Variants in DSCAM observed in about 807,000 individuals in gnomAD.
DSCAM encodes cell adhesion molecule DSCAM.
Under a neutral mutation model 217.7 loss-of-function variants are expected in DSCAM, and 47 were observed. The observed-to-expected ratio is 0.22, with a 90% CI of 0.17 to 0.28. DSCAM has a LOEUF of 0.28. DSCAM is among the 10% of genes least tolerant of loss of function. DSCAM has a pLI of 1.00. For missense variants in DSCAM, 2,080 were observed against 2,618.3 expected (o/e 0.79, Z 4.49); for synonymous variants, 1,056 against 1,015.3 (o/e 1.04, Z -0.76).
At chr21:40,556,510 G>T (rs1166881919) in intron 3 of DSCAM, among the ~76,000 whole-genome samples, 2 of 152,094 alleles carry the variant, frequency 1.3e-5, no homozygotes, top group Admixed American at 6.5e-5. Context: ...AATTCATAAA[G>T]AAAAAAGGTT....
chr21:40,620,469 AGG>A (rs2089496006), intron 3 of DSCAM, among the ~76,000 whole-genome samples: 1 of 146,346 alleles, frequency 6.8e-6, no homozygotes, highest in East Asian at 2.1e-4. Context: ...AAAGGAAGGA[AGG>A]AAAAAGGGAA....
chr21:40,354,488 C>T (rs2074669054), intron 4 of DSCAM, among the ~76,000 whole-genome samples: 1 of 152,064 alleles, frequency 6.6e-6, no homozygotes. Context: ...CTGCCTGGGC[C>T]TCCCAACATG....
chr21:40,176,380 G>C (rs1214528619), intron 15 of DSCAM, among the ~76,000 whole-genome samples: 1 of 152,010 alleles, frequency 6.6e-6, no homozygotes, highest in African/African-American at 2.4e-5. Flanking sequence ...AAAAGTGAGT[G>C]GGCTGACAGC....
intron 1 of DSCAM, among the ~76,000 whole-genome samples, chr21:40,789,065 G>A (rs778664799): frequency 6.6e-6 from 1 of 152,000 alleles, no homozygotes; most frequent in Non-Finnish European, 1.5e-5. Flanking sequence ...GTATTACTAG[G>A]GGTCTGTGAA....
At chr21:40,495,892 T>A (rs2076114451) in intron 3 of DSCAM, among the ~76,000 whole-genome samples, 1 of 152,058 alleles carries the variant, frequency 6.6e-6, no homozygotes, top group Non-Finnish European at 1.5e-5. Flanking sequence ...AACAATGAAC[T>A]ATCCAAAAAA....
intron 3 of DSCAM, among the ~76,000 whole-genome samples, chr21:40,481,058 T>C (rs1469401255): frequency 6.6e-6 from 1 of 152,200 alleles, no homozygotes; most frequent in East Asian, 1.9e-4. Flanking sequence ...CCCTTTGACC[T>C]TGGACTTCTC....
intron 4 of DSCAM, among the ~76,000 whole-genome samples, chr21:40,368,791 G>T (rs1322373741): frequency 6.6e-6 from 1 of 152,186 alleles, no homozygotes. Context: ...CAAATCAAAT[G>T]CAATTTGACT....
Position 40,497,707 on chromosome 21 carries a change from A to G in DSCAM, c.509-128462T>C, listed in dbSNP as rs920927455. 1.2e-4 allele frequency among the ~76,000 whole-genome samples: 18 copies of G among 152,342 alleles called. 1 individual carries two copies. Among genetic ancestry groups the G allele is most frequent in the Middle Eastern group, 3.4e-3 (1 of 292 alleles). The stretch of plus-strand genomic sequence containing the variant: ...TTCCCCAATGTATACATATAAGAAA[A>G]CATCCTGTTGTACACAATAAATATA... On this transcript the variant is annotated intron_variant, in intron 3 of 32. Transcript: ENST00000400454.
intron 20 of DSCAM, among the ~76,000 whole-genome samples, chr21:40,103,081 A>G (rs1379894195): frequency 6.6e-6 from 1 of 152,210 alleles, no homozygotes; most frequent in Non-Finnish European, 1.5e-5. Flanking sequence ...TGACCTAGAA[A>G]TGATTTGAGT....
At chr21:40,286,060 G>A (rs58467354) in intron 10 of DSCAM, among the ~76,000 whole-genome samples, 1 of 152,200 alleles carries the variant, frequency 6.6e-6, no homozygotes, top group Non-Finnish European at 1.5e-5. Context: ...AATGGGCATG[G>A]TGAGAGCACT....
At position 40,677,253 on chromosome 21, in the gene DSCAM, G is replaced by A. The variant is rs1252728434; in HGVS notation, c.508+15557C>T. 2.6e-5 allele frequency among the ~76,000 whole-genome samples: 4 copies of A among 152,052 alleles called. No homozygotes were observed. In the East Asian group the frequency reaches 5.8e-4, roughly 22 times the overall value. ...GCATAAAAAGAAGCAGAGGAAACCAGGACAAATAAGAGATCAGAGAAAAGA... is the reference window on the plus strand; with the variant it reads ...GCATAAAAAGAAGCAGAGGAAACCAAGACAAATAAGAGATCAGAGAAAAGA... On this transcript the variant is annotated intron_variant, in intron 3 of 32. Coordinates refer to ENST00000400454, the MANE Select transcript of DSCAM (RefSeq NM_001389.5).
chr21:40,559,098 A>C (rs1320515300), intron 3 of DSCAM, among the ~76,000 whole-genome samples: 1 of 152,228 alleles, frequency 6.6e-6, no homozygotes, highest in Non-Finnish European at 1.5e-5. Flanking sequence ...AGGAGATGCA[A>C]TGATACAATC....
chr21:40,600,806 T>TC (rs1029561540), intron 3 of DSCAM, among the ~76,000 whole-genome samples: 3 of 152,202 alleles, frequency 2.0e-5, no homozygotes, highest in African/African-American at 4.8e-5. Context: ...GACTATCCTT[T>TC]CCCCATTGAA....
chr21:40,625,983 G>A (rs2089595679), intron 3 of DSCAM, among the ~76,000 whole-genome samples: 1 of 152,056 alleles, frequency 6.6e-6, no homozygotes, highest in Non-Finnish European at 1.5e-5. Flanking sequence ...TTATTTAGGT[G>A]TCTAAATTTG....
intron 27 of DSCAM, among the ~76,000 whole-genome samples, chr21:40,069,595 G>C (rs1020668904): frequency 2.0e-5 from 3 of 152,202 alleles, no homozygotes; most frequent in African/African-American, 7.2e-5. Context: ...ACGTAAAATG[G>C]AAGACGCTTA....
chr21:40,700,019 A>C (rs1217181380), intron 2 of DSCAM, among the ~76,000 whole-genome samples: 2 of 152,236 alleles, frequency 1.3e-5, no homozygotes, highest in Admixed American at 6.5e-5. Flanking sequence ...TGCTTCAAAA[A>C]ACAAGCTGAT....
intron 3 of DSCAM, among the ~76,000 whole-genome samples, chr21:40,655,544 G>A (rs550061923): frequency 6.6e-6 from 1 of 151,398 alleles, no homozygotes; most frequent in East Asian, 2.0e-4. Flanking sequence ...CTGGGATCAA[G>A]CCATCCTACC....
At chr21:40,789,779 T>C (rs1315109313) in intron 1 of DSCAM, among the ~76,000 whole-genome samples, 2 of 152,070 alleles carry the variant, frequency 1.3e-5, no homozygotes, top group South Asian at 2.1e-4. Context: ...ATGGTCTCGA[T>C]CTCCTGACCT....
At chr21:40,139,841 T>C in intron 18 of DSCAM, among the ~76,000 whole-genome samples, 1 of 149,578 alleles carries the variant, frequency 6.7e-6, no homozygotes, top group East Asian at 2.0e-4. Flanking sequence ...TGGTGTGGTA[T>C]GTGTGGTGTA....
Sources: gnomAD v4.1 joint callset for allele counts (sites outside exome capture counted in the v4.1 genomes callset) on GRCh38, gnomAD v4.1.1 for gene constraint, MANE v1.5 for transcripts, NCBI Gene and HGNC (gene_info 2026-07-23, HGNC 2026-07-21) for gene names.